Variants in CLCN1 observed in about 807,000 individuals in gnomAD.
The protein encoded by CLCN1 is chloride channel protein 1.
In CLCN1, 100 loss-of-function variants were observed where a neutral mutation model predicts 114.5. That is an observed-to-expected ratio of 0.87 (90% CI 0.74 to 1.03). CLCN1 has a LOEUF of 1.03. Ranked by LOEUF, CLCN1 falls within the 50% of genes least tolerant of loss-of-function variation. The pLI is 0.00. For missense variants in CLCN1, 1,188 were observed against 1,250.0 expected (o/e 0.95, Z 0.75); for synonymous variants, 485 against 487.1 (o/e 1.00, Z 0.06).
rs780266151 is a variant in CLCN1 at position 143,339,486 on chromosome 7, T to C, written c.1472-25T>C. The C allele has an allele frequency of 6.4e-7, 1 of 1,566,488 alleles. No homozygotes were observed. On this transcript the variant is annotated intron_variant, in intron 13 of 22. Transcript: ENST00000343257. The surrounding 1 kb of genome is among the most constrained non-coding windows in gnomAD (Gnocchi z 4.1). ...CAAGGAACTTGGATCTCGTAACACCTTCCTTCCTTTTATCTTCCCTCTAGG... is the reference window on the plus strand; with the variant it reads ...CAAGGAACTTGGATCTCGTAACACCCTCCTTCCTTTTATCTTCCCTCTAGG...
intron 16 of CLCN1, among the ~76,000 whole-genome samples, chr7:143,343,780 CTCTCTCTT>C (rs944925530): frequency 3.6e-4 from 54 of 151,350 alleles, no homozygotes; most frequent in African/African-American, 1.1e-3. Context: ...CTTTCCCTCT[CTCTCTCTT>C]TCTCTCTCCC....
chr7:143,337,607 T>C (rs1802941684), intron 12 of CLCN1, among the ~76,000 whole-genome samples: 1 of 152,214 alleles, frequency 6.6e-6, no homozygotes, highest in African/African-American at 2.4e-5. Context: ...ACTTTCATCT[T>C]GGCAGTTTGT....
chr7:143,323,821 C>T (rs928664938), intron 6 of CLCN1: 6 of 474,628 alleles, frequency 1.3e-5, no homozygotes, highest in Admixed American at 4.7e-5. Context: ...TGTTGCAGAC[C>T]GTGCCTGGGC....
Position 143,323,297 on chromosome 7 carries a change from C to G in CLCN1, c.697-12C>G. On this transcript the variant is annotated splice_polypyrimidine_tract_variant and intron_variant, in intron 5 of 22. Coordinates refer to ENST00000343257, the MANE Select transcript of CLCN1 (RefSeq NM_000083.3). The stretch of plus-strand genomic sequence containing the variant: ...GCCTCTGACCCCCGCCCCCTCGCTC[C>G]CCCTCTCCCAGGGCCCCTTCGTCCA... 1 of 1,586,836 alleles carries G rather than the reference C, an allele frequency of 6.3e-7. No individual in the cohort carries two copies. Among genetic ancestry groups the G allele is most frequent in the Non-Finnish European group, 8.7e-7 (1 of 1,155,224 alleles).
At chr7:143,330,523 G>T (rs1586496410) in intron 7 of CLCN1, among the ~76,000 whole-genome samples, 1 of 152,138 alleles carries the variant, frequency 6.6e-6, no homozygotes, top group Non-Finnish European at 1.5e-5. Flanking sequence ...TGTTTTGGAG[G>T]TTGAAGGCCC....
intron 16 of CLCN1, among the ~76,000 whole-genome samples, chr7:143,343,896 A>G (rs896437069): frequency 2.0e-5 from 3 of 151,292 alleles, no homozygotes; most frequent in South Asian, 2.1e-4. Flanking sequence ...CAGGAGTGCA[A>G]TGGCGCCATC....
At position 143,318,876 on chromosome 7, in the gene CLCN1, C is replaced by A. The variant is rs183715425; in HGVS notation, c.181-879C>A. 2.6e-5 allele frequency among the ~76,000 whole-genome samples: 4 copies of A among 152,306 alleles called. No homozygotes were observed. In the East Asian group the frequency reaches 5.8e-4, roughly 22 times the overall value. On this transcript the variant is annotated intron_variant, in intron 1 of 22. Coordinates refer to ENST00000343257, the MANE Select transcript of CLCN1 (RefSeq NM_000083.3). Reference sequence around the variant, plus strand: ...AGGGCAATTCATGTGCGTGCTTGTTCAGGACTGCGGTGTAAAATGCTGCTC... The same window carrying A: ...AGGGCAATTCATGTGCGTGCTTGTTAAGGACTGCGGTGTAAAATGCTGCTC...
intron 12 of CLCN1, among the ~76,000 whole-genome samples, chr7:143,338,844 T>G (rs1324209663): frequency 6.8e-6 from 1 of 147,990 alleles, no homozygotes; most frequent in Non-Finnish European, 1.5e-5. Context: ...TTCAGAAATA[T>G]AACCTGAGTA....
chr7:143,347,620 C>CAAAA (rs57147641), intron 20 of CLCN1, among the ~76,000 whole-genome samples: 3 of 94,952 alleles, frequency 3.2e-5, no homozygotes, highest in Non-Finnish European at 4.1e-5. Flanking sequence ...GACTTTGCCT[C>CAAAA]AAAAAAAAAA....
rs1803410652 is a variant in CLCN1 at position 143,351,675 on chromosome 7, A to C, written c.2677A>C (p.Thr893Pro). 1 of 1,613,952 alleles carries C rather than the reference A, an allele frequency of 6.2e-7. No homozygotes were observed. Residue 893 changes from threonine to proline, a missense_variant, in exon 23 of 23, where the codon ACT (threonine) becomes CCT (proline). Physicochemically the swap from Thr to Pro is conservative, Grantham distance 38. Coordinates refer to ENST00000343257, the MANE Select transcript of CLCN1 (RefSeq NM_000083.3). ...TGCCAGCTTCCGGAACACGACTTCAACTCGAAAGAGTACCGGGGCACCTCC... is the reference window on the plus strand; with the variant it reads ...TGCCAGCTTCCGGAACACGACTTCACCTCGAAAGAGTACCGGGGCACCTCC... ...PLASFRNTTS[T>P]RKSTGAPPSS...
intron 7 of CLCN1, among the ~76,000 whole-genome samples, chr7:143,330,340 C>G (rs1201618592): frequency 6.6e-6 from 1 of 152,020 alleles, no homozygotes; most frequent in Non-Finnish European, 1.5e-5. Flanking sequence ...CCCTGTAAAT[C>G]CTGAGCTCTG....
chr7:143,320,214 A>G (rs1802387950), intron 2 of CLCN1, among the ~76,000 whole-genome samples: 1 of 152,180 alleles, frequency 6.6e-6, no homozygotes, highest in African/African-American at 2.4e-5. Flanking sequence ...GCATCAAGCA[A>G]TCCTCCCGCC....
At chr7:143,320,551 TTTTC>T in intron 2 of CLCN1, 109 bp from the exon 3 acceptor site, 12 of 864,912 alleles carry the variant, frequency 1.4e-5, no homozygotes, top group Admixed American at 6.8e-5. Flanking sequence ...CGTTAGCTGC[TTTTC>T]TCTCTCTCTC....
In CLCN1 at chr7:143,324,706, G is replaced by T. The variant is rs73726617; in HGVS notation, c.853+214G>T. Among the ~76,000 whole-genome samples the T allele has an allele frequency of 0.013, 1,968 of 152,314 alleles. 34 individuals are homozygous for T. The highest frequency in any genetic ancestry group is 0.045 in the African/African-American group (1,853 of 41,566). The stretch of plus-strand genomic sequence containing the variant: ...GACAGATATTACAGAGGAGGAAGAG[G>T]AGAGAACTGAGTTACAGAGAGGGAC... On this transcript the variant is annotated intron_variant, in intron 7 of 22. Transcript: ENST00000343257. The surrounding 1 kb of genome is among the most constrained non-coding windows in gnomAD (Gnocchi z 4.6).
chr7:143,350,108 A>T lies in CLCN1; in HGVS notation c.2404-264A>T, dbSNP rs1803353700. Among the ~76,000 whole-genome samples, 1 of 152,092 alleles carries T rather than the reference A, an allele frequency of 6.6e-6. No individual in the cohort carries two copies. The highest frequency in any genetic ancestry group is 1.5e-5 in the Non-Finnish European group (1 of 68,024). On this transcript the variant is annotated intron_variant, in intron 20 of 22. Transcript: ENST00000343257. This position sits in a 1 kb window ranked among gnomAD's most constrained non-coding sequence, Gnocchi z 5.1. ...ACAAATGTTTGGGACGCCAGGGGAT[A>T]GGAGAGTTGGAGCCTAGAAGAGGGA...
Position 143,323,391 on chromosome 7 carries a change from G to A in CLCN1, c.774+5G>A. ...GTGTTCTGCGGGGTATATGAGGTAAGGTTGAGACAGTGAAATGAGCTGGGG... is the reference window on the plus strand; with the variant it reads ...GTGTTCTGCGGGGTATATGAGGTAAAGTTGAGACAGTGAAATGAGCTGGGG... On this transcript the variant is annotated splice_donor_5th_base_variant and intron_variant, in intron 6 of 22. Coordinates refer to ENST00000343257, the MANE Select transcript of CLCN1 (RefSeq NM_000083.3). 6.2e-7 allele frequency: 1 copy of A among 1,605,862 alleles called. No homozygotes were observed.
In CLCN1 at chr7:143,345,616, G is replaced by C. The variant is rs750187204; in HGVS notation, c.2026G>C (p.Glu676Gln). ...CPERRLRAAQ[E>Q]MARKLSELPY... is the part of the protein sequence containing the mutation. ...TGAGCGCAGGCTGCGCGCAGCCCAA[G>C]AGATGGCGCGGAAGTTGTCGGAGCT... The change falls in exon 17 of 23, where the codon GAG becomes CAG. Residue 676 changes from glutamate (E) to glutamine (Q), a missense_variant. Transcript: ENST00000343257. The C allele has an allele frequency of 4.0e-5, 63 of 1,559,102 alleles. No homozygotes were observed. The highest frequency in any genetic ancestry group is 5.3e-5 in the Non-Finnish European group (61 of 1,152,006).
rs114841412 is a variant in CLCN1 at position 143,350,712 on chromosome 7, G to A, written c.2595+58G>A. The A allele has an allele frequency of 4.9e-5, 59 of 1,210,250 alleles. No individual in the cohort carries two copies. In the Admixed American group the frequency reaches 9.6e-4, roughly 20 times the overall value. 75.0% of individuals were successfully genotyped at this position (1,210,250 alleles called of 1,614,324 possible). A position where few individuals can be genotyped will look rare whatever the true frequency, so the allele number is the denominator to read the frequency against. On this transcript the variant is annotated intron_variant, in intron 22 of 22. Coordinates refer to ENST00000343257, the MANE Select transcript of CLCN1 (RefSeq NM_000083.3). The surrounding 1 kb of genome is among the most constrained non-coding windows in gnomAD (Gnocchi z 5.1). Reference sequence around the variant, plus strand: ...AGGGAGGCTGGGCATAGGATAAGGGGATGCAGTGGGGACAGAAGGAATATT... The same window carrying A: ...AGGGAGGCTGGGCATAGGATAAGGGAATGCAGTGGGGACAGAAGGAATATT...
At position 143,321,004 on chromosome 7, in the gene CLCN1, G is replaced by A. The variant is rs573305090; in HGVS notation, c.433+209G>A. On this transcript the variant is annotated intron_variant, in intron 3 of 22. Coordinates refer to ENST00000343257, the MANE Select transcript of CLCN1 (RefSeq NM_000083.3). This position sits in a 1 kb window ranked among gnomAD's most constrained non-coding sequence, Gnocchi z 4.2. ...CGCCCCTCCACTCACTGCCACCCAA[G>A]CAGTGGATGCCCCTCTAATAGGGTG... Among the ~76,000 whole-genome samples, 3 of 152,278 alleles carry A rather than the reference G, an allele frequency of 2.0e-5. No homozygotes were observed. Among genetic ancestry groups the A allele is most frequent in the African/African-American group, 7.2e-5 (3 of 41,568 alleles).
Sources: gnomAD v4.1 joint callset for allele counts (sites outside exome capture counted in the v4.1 genomes callset) on GRCh38, gnomAD v4.1.1 for gene constraint, Gnocchi (gnomAD v3.1) non-coding constraint, MANE v1.5 for transcripts, NCBI Gene and HGNC (gene_info 2026-07-23, HGNC 2026-07-21) for gene names.